Variants in FRMD4A observed in about 807,000 individuals in gnomAD.
FRMD4A encodes the protein FERM domain containing 4A.
FRMD4A carries 29 observed loss-of-function variants against 129.1 expected under a neutral mutation model. The observed-to-expected ratio is 0.22, with a 90% CI of 0.17 to 0.31. FRMD4A has a LOEUF of 0.31. Among genes scored for constraint, FRMD4A ranks in the 10% least tolerant of loss-of-function variants. The pLI is 1.00. For synonymous variants in FRMD4A, 634 were observed against 571.6 expected (o/e 1.11, Z -1.56); for missense variants, 1,272 against 1,375.8 (o/e 0.92, Z 1.19).
chr10:13,677,010 G>T (rs550046778), intron 15 of FRMD4A, among the ~76,000 whole-genome samples: 3 of 152,302 alleles, frequency 2.0e-5, no homozygotes, highest in Admixed American at 2.0e-4. Context: ...AAAAGGCAAT[G>T]CAGCATCATA....
At chr10:13,680,734 A>T (rs913063503) in intron 15 of FRMD4A, among the ~76,000 whole-genome samples, 1 of 151,782 alleles carries the variant, frequency 6.6e-6, no homozygotes, top group Non-Finnish European at 1.5e-5. Context: ...TAAAAAAAAA[A>T]ATTTAAAAAA....
intron 2 of FRMD4A, among the ~76,000 whole-genome samples, chr10:14,305,835 A>G (rs1299572692): frequency 6.6e-6 from 1 of 152,224 alleles, no homozygotes; most frequent in Non-Finnish European, 1.5e-5. Context: ...GAGGACATGG[A>G]TGGAGCTAGA....
chr10:13,910,653 A>C (rs1191198089), intron 2 of FRMD4A, among the ~76,000 whole-genome samples: 1 of 152,208 alleles, frequency 6.6e-6, no homozygotes, highest in East Asian at 1.9e-4. Context: ...AAATTGTTGA[A>C]TATGTTTTAA....
At chr10:14,032,378 T>C (rs1009994859) in intron 2 of FRMD4A, among the ~76,000 whole-genome samples, 1 of 152,224 alleles carries the variant, frequency 6.6e-6, no homozygotes, top group African/African-American at 2.4e-5. Flanking sequence ...ATGTCTGTCA[T>C]GTTGGAGACT....
intron 2 of FRMD4A, among the ~76,000 whole-genome samples, chr10:14,018,310 G>T (rs896413619): frequency 1.3e-5 from 2 of 150,686 alleles, no homozygotes; most frequent in Non-Finnish European, 3.0e-5. Context: ...AAAAAAATTA[G>T]CCGGGCATGG....
intron 12 of FRMD4A, among the ~76,000 whole-genome samples, chr10:13,714,068 CTTTT>C (rs1160717514): frequency 7.5e-5 from 1 of 13,252 alleles, no homozygotes; most frequent in Non-Finnish European, 1.7e-4. Flanking sequence ...ATAAAATATA[CTTTT>C]TTTTTGAGAC....
At chr10:14,219,943 G>A (rs769295534) in intron 2 of FRMD4A, among the ~76,000 whole-genome samples, 2 of 152,200 alleles carry the variant, frequency 1.3e-5, no homozygotes, top group Non-Finnish European at 2.9e-5. Context: ...CAAGATAAGA[G>A]AGAAGGGTGG....
chr10:14,012,112 C>T (rs2095684559), intron 2 of FRMD4A, among the ~76,000 whole-genome samples: 2 of 151,742 alleles, frequency 1.3e-5, no homozygotes, highest in South Asian at 4.2e-4. Context: ...GACACGGTAC[C>T]CTCAGCATCC....
chr10:13,973,202 C>T (rs1351744255), intron 2 of FRMD4A, among the ~76,000 whole-genome samples: 1 of 152,122 alleles, frequency 6.6e-6, no homozygotes, highest in African/African-American at 2.4e-5. Context: ...TTTTTTCCCC[C>T]ACTTATGATC....
chr10:14,309,298 A>T (rs373886658), intron 2 of FRMD4A, among the ~76,000 whole-genome samples: 1 of 152,142 alleles, frequency 6.6e-6, no homozygotes, highest in Non-Finnish European at 1.5e-5. Context: ...AAAATTTTTT[A>T]AATTAGCTGG....
chr10:14,205,806 CAAAAAAAAAAAAAA>C (rs59803872), intron 2 of FRMD4A, among the ~76,000 whole-genome samples: 1 of 67,316 alleles, frequency 1.5e-5, no homozygotes, highest in Middle Eastern at 9.3e-3. Context: ...GACTCTGTCT[CAAAAAAAAAAAAAA>C]AAAAAAAAAG....
intron 2 of FRMD4A, among the ~76,000 whole-genome samples, chr10:13,954,638 A>G (rs1251519056): frequency 6.6e-6 from 1 of 152,156 alleles, no homozygotes; most frequent in African/African-American, 2.4e-5. Context: ...TTCCAGCACC[A>G]TCAGGGCCCT....
intron 22 of FRMD4A, chr10:13,655,519 G>C (rs1161265107): frequency 6.7e-6 from 1 of 149,760 alleles, no homozygotes; most frequent in African/African-American, 2.5e-5. Flanking sequence ...CTGATCTTTG[G>C]AGCTTGTCAT....
chr10:13,754,579 T>C (rs2091776878), intron 8 of FRMD4A, among the ~76,000 whole-genome samples: 1 of 151,784 alleles, frequency 6.6e-6, no homozygotes, highest in African/African-American at 2.4e-5. Flanking sequence ...TGTGTGTGTG[T>C]GTGTGTGTGT....
chr10:14,098,333 C>A (rs367733641), intron 2 of FRMD4A, among the ~76,000 whole-genome samples: 59 of 151,102 alleles, frequency 3.9e-4, no homozygotes, highest in African/African-American at 1.3e-3. Flanking sequence ...ATATTCTCAA[C>A]GCAACATTTC....
At chr10:13,857,678 G>A (rs2094232312) in intron 3 of FRMD4A, among the ~76,000 whole-genome samples, 1 of 152,168 alleles carries the variant, frequency 6.6e-6, no homozygotes, top group Non-Finnish European at 1.5e-5. Flanking sequence ...TCCCCCATGA[G>A]CAGATGGCAT....
At chr10:13,878,028 A>G (rs988795929) in intron 2 of FRMD4A, among the ~76,000 whole-genome samples, 1 of 152,202 alleles carries the variant, frequency 6.6e-6, no homozygotes, top group African/African-American at 2.4e-5. Context: ...ACAGACAGTA[A>G]CGTAGCACCT....
intron 12 of FRMD4A, among the ~76,000 whole-genome samples, chr10:13,729,203 T>C (rs1158358262): frequency 6.7e-6 from 1 of 150,280 alleles, no homozygotes; most frequent in Non-Finnish European, 1.5e-5. Context: ...GAGAAGGCCC[T>C]TTGGTCCTAC....
intron 12 of FRMD4A, among the ~76,000 whole-genome samples, chr10:13,722,342 C>T (rs1417943212): frequency 1.3e-5 from 2 of 151,554 alleles, no homozygotes; most frequent in Non-Finnish European, 2.9e-5. Flanking sequence ...AGTAACCCCC[C>T]CACCTCAGCC....
Sources: gnomAD v4.1 joint callset for allele counts (sites outside exome capture counted in the v4.1 genomes callset) on GRCh38, gnomAD v4.1.1 for gene constraint, MANE v1.5 for transcripts, NCBI Gene and HGNC (gene_info 2026-07-23, HGNC 2026-07-21) for gene names.